Variants in EMSY observed in about 807,000 individuals in gnomAD.
EMSY encodes EMSY transcriptional repressor, BRCA2 interacting.
In EMSY, 26 loss-of-function variants were observed where a neutral mutation model predicts 134.6. That is an observed-to-expected ratio of 0.19 (90% CI 0.14 to 0.27). EMSY has a LOEUF of 0.27. EMSY is among the 10% of genes least tolerant of loss of function. EMSY has a pLI of 1.00. For missense variants in EMSY, 1,305 were observed against 1,611.4 expected (o/e 0.81, Z 3.26); for synonymous variants, 579 against 577.8 (o/e 1.00, Z -0.03).
chr11:76,517,382 TTAAA>T (rs1180190410), intron 11 of EMSY, among the ~76,000 whole-genome samples: 2 of 152,206 alleles, frequency 1.3e-5, no homozygotes, highest in Non-Finnish European at 2.9e-5. Context: ...AGAGGATACT[TTAAA>T]TAACACAGTT....
chr11:76,550,045 C>A (rs61749243), exon 21 of EMSY: 29 of 1,613,764 alleles, frequency 1.8e-5, no homozygotes, highest in Non-Finnish European at 2.2e-5. Flanking sequence ...CACTAGTCAA[C>A]AGCTGGATGA....
intron 11 of EMSY, among the ~76,000 whole-genome samples, chr11:76,518,858 T>TTGTGTGTGTGTG (rs10691630): frequency 3.9e-4 from 56 of 143,154 alleles, no homozygotes; most frequent in African/African-American, 1.0e-3. Flanking sequence ...ATAGGCTGTC[T>TTGTGTGTGTGTG]TGTGTGTGTG....
intron 7 of EMSY, among the ~76,000 whole-genome samples, chr11:76,470,508 A>G (rs1590821869): frequency 6.6e-6 from 1 of 152,108 alleles, no homozygotes; most frequent in Non-Finnish European, 1.5e-5. Flanking sequence ...ATTTTCATTC[A>G]TCAACAAATC....
chr11:76,473,834 A>G (rs1168169888), intron 8 of EMSY, among the ~76,000 whole-genome samples: 1 of 152,038 alleles, frequency 6.6e-6, no homozygotes, highest in Admixed American at 6.6e-5. Context: ...CTCTACTAAA[A>G]AAATACAAAA....
rs1385728394 is a variant in EMSY, at chr11:76,463,876, T to C, written c.627T>C (p.Ser209=). ...CCAGAAAACGAAGGCGAACAAACTC[T>C]TCCAGCTCCTCTCCTGTTGTTCTAA... Residue 209 remains serine (S), a synonymous_variant, in exon 7 of 21, where the codon TCT becomes TCC. Coordinates refer to ENST00000334736, the Ensembl canonical transcript of EMSY. 5.0e-6 allele frequency: 8 copies of C among 1,614,092 alleles called. No homozygotes were observed. In the South Asian group the frequency reaches 5.5e-5, roughly 11 times the overall value.
At chr11:76,472,362 A>C (rs1948607253) in intron 7 of EMSY, among the ~76,000 whole-genome samples, 1 of 152,146 alleles carries the variant, frequency 6.6e-6, no homozygotes, top group Non-Finnish European at 1.5e-5. Flanking sequence ...AAAATATTTG[A>C]TTTGTAAAAT....
At chr11:76,550,459 C>A in exon 21 of EMSY, 1 of 204,474 alleles carries the variant, frequency 4.9e-6, no homozygotes, top group Non-Finnish European at 9.7e-6. Context: ...TGGAAAGAGA[C>A]TTCCTGTGAA....
chr11:76,450,177 C>T (rs7107372), intron 2 of EMSY, among the ~76,000 whole-genome samples: 28,084 of 151,616 alleles, frequency 0.19, 3,302 homozygotes, highest in Non-Finnish European at 0.26. Flanking sequence ...GCAGGATTAG[C>T]GCACCATTTG....
intron 7 of EMSY, among the ~76,000 whole-genome samples, chr11:76,467,789 C>G (rs1339369002): frequency 6.6e-6 from 1 of 151,882 alleles, no homozygotes; most frequent in African/African-American, 2.4e-5. Flanking sequence ...GGTAGGAGTT[C>G]TGAGACCAGC....
chr11:76,549,910 C>T, intron 20 of EMSY, 42 bp from the exon 22 acceptor site: 2 of 1,421,910 alleles, frequency 1.4e-6, no homozygotes, highest in Non-Finnish European at 1.9e-6. Flanking sequence ...TATTCTGCTA[C>T]CTTTTCTTAC....
At chr11:76,535,065 G>T (rs903990237) in intron 14 of EMSY, among the ~76,000 whole-genome samples, 1 of 152,114 alleles carries the variant, frequency 6.6e-6, no homozygotes, top group African/African-American at 2.4e-5. Context: ...CTAACAAAGG[G>T]TCTTAGAATT....
chr11:76,445,751 C>T (rs1947357826), intron 1 of EMSY, among the ~76,000 whole-genome samples: 1 of 152,124 alleles, frequency 6.6e-6, no homozygotes, highest in African/African-American at 2.4e-5. Flanking sequence ...TTCGAGCAGT[C>T]GCCGGCCGCC....
chr11:76,520,932 T>A (rs1289969593), intron 11 of EMSY, among the ~76,000 whole-genome samples: 2 of 152,214 alleles, frequency 1.3e-5, no homozygotes, highest in African/African-American at 2.4e-5. Flanking sequence ...TGATAAATGA[T>A]ATGTAGGCCT....
chr11:76,473,958 G>A (rs2135387456), intron 8 of EMSY, among the ~76,000 whole-genome samples: 1 of 150,576 alleles, frequency 6.6e-6, no homozygotes, highest in Admixed American at 6.6e-5. Context: ...GGTGAACATG[G>A]CTGTACTAAA....
In EMSY at chr11:76,544,834, T is replaced by C. The variant is rs1313390195; in HGVS notation, c.3273+12T>C. ...AGACGGCAAGCCAGGTAACGGAATA[T>C]TGATAGCATGCAAAGTTAAACTTCT... On this transcript the variant is annotated intron_variant, in intron 19 of 20. Transcript: ENST00000334736. 1 of 1,611,796 alleles carries C rather than the reference T, an allele frequency of 6.2e-7. No individual in the cohort carries two copies. The highest frequency in any genetic ancestry group is 1.7e-5 in the Admixed American group (1 of 59,948).
At chr11:76,449,645 ACAAT>A (rs1382328887) in intron 2 of EMSY, among the ~76,000 whole-genome samples, 3 of 152,156 alleles carry the variant, frequency 2.0e-5, no homozygotes, top group Admixed American at 2.0e-4. Flanking sequence ...ATTACTTCCC[ACAAT>A]CAATCAATTA....
chr11:76,498,049 A>G (rs971726500), intron 9 of EMSY, among the ~76,000 whole-genome samples: 2 of 152,022 alleles, frequency 1.3e-5, no homozygotes, highest in East Asian at 3.9e-4. Context: ...TTTTTATTCA[A>G]TTTTTTGTGT....
At chr11:76,472,588 A>G (rs762301439) in exon 8 of EMSY, 2 of 1,613,954 alleles carry the variant, frequency 1.2e-6, no homozygotes, top group Non-Finnish European at 1.7e-6. Flanking sequence ...CACATCACCA[A>G]GCTCAACCTT....
At chr11:76,455,248 G>C (rs1358854891) in intron 4 of EMSY, among the ~76,000 whole-genome samples, 1 of 151,374 alleles carries the variant, frequency 6.6e-6, no homozygotes, top group Non-Finnish European at 1.5e-5. Context: ...TCATTTTTTT[G>C]AAAAGAGTTT....
Sources: gnomAD v4.1 joint callset for allele counts (sites outside exome capture counted in the v4.1 genomes callset) on GRCh38, gnomAD v4.1.1 for gene constraint, MANE v1.5 for transcripts, NCBI Gene and HGNC (gene_info 2026-07-23, HGNC 2026-07-21) for gene names.